UBE2D1: variants seen among roughly 807,000 people sequenced by gnomAD.
The protein encoded by UBE2D1 is ubiquitin-conjugating enzyme E2 D1.
Under a neutral mutation model 24.6 loss-of-function variants are expected in UBE2D1, and 9 were observed. That is an observed-to-expected ratio of 0.37 (90% CI 0.22 to 0.64). The LOEUF is 0.64. UBE2D1 is among the 30% of genes least tolerant of loss of function. UBE2D1 has a pLI of 0.64. For missense variants in UBE2D1, 87 were observed against 177.1 expected, an observed-to-expected ratio of 0.49 and a Z score of 2.89; for synonymous variants, 57 against 57.6, an observed-to-expected ratio of 0.99 and a Z score of 0.04.
rs571601398 is a variant in UBE2D1, at chr10:58,352,141, A to T, written c.25-9197A>T. ...TTTCTTTTTTTTCTTTCCATTTTCAACACATTGTCACAGTAGCTAAAGGTG... is the reference window on the plus strand; with the variant it reads ...TTTCTTTTTTTTCTTTCCATTTTCATCACATTGTCACAGTAGCTAAAGGTG... On this transcript the variant is annotated intron_variant, in intron 1 of 6. Transcript: ENST00000373910. 4.6e-5 allele frequency among the ~76,000 whole-genome samples: 7 copies of T among 152,078 alleles called. No individual in the cohort carries two copies. The South Asian group carries it at 1.5e-3, about 32-fold the overall frequency.
At chr10:58,356,333 G>T (rs755776545) in intron 1 of UBE2D1, among the ~76,000 whole-genome samples, 4 of 151,860 alleles carry the variant, frequency 2.6e-5, no homozygotes, top group Non-Finnish European at 5.9e-5. Flanking sequence ...ATCATAATGG[G>T]CATACTGTCC....
chr10:58,335,090 C>G lies in UBE2D1; in HGVS notation c.-112C>G. ...AGCCAGGGAGCGGCTAACCGGGGAC[C>G]CACCGCGCGGAGCCAGCCTAGCTGC... is the stretch of plus-strand genomic sequence containing the variant. On this transcript the variant is annotated 5_prime_UTR_variant, in exon 1 of 7. Transcript: ENST00000373910. The G allele has an allele frequency of 1.7e-6, 2 of 1,195,376 alleles. No individual in the cohort carries two copies. Among genetic ancestry groups the G allele is most frequent in the Non-Finnish European group, 2.4e-6 (2 of 848,508 alleles). 74.0% of individuals were successfully genotyped at this position (1,195,376 alleles called of 1,614,324 possible).
intron 1 of UBE2D1, among the ~76,000 whole-genome samples, chr10:58,351,928 A>G (rs1220742852): frequency 6.6e-6 from 1 of 152,156 alleles, no homozygotes; most frequent in Non-Finnish European, 1.5e-5. Flanking sequence ...TGACCACTAT[A>G]TATGCAATCA....
chr10:58,347,540 C>A (rs1413375079), intron 1 of UBE2D1, among the ~76,000 whole-genome samples: 1 of 151,978 alleles, frequency 6.6e-6, no homozygotes, highest in African/African-American at 2.4e-5. Context: ...AATCATTATG[C>A]CTGGTGCAGA....
chr10:58,364,758 G>A lies in UBE2D1; in HGVS notation c.199-13G>A, dbSNP rs1192122466. The A allele has an allele frequency of 2.5e-6, 4 of 1,594,546 alleles. No individual in the cohort carries two copies. The African/African-American group carries it at 5.4e-5, about 21-fold the overall frequency. On this transcript the variant is annotated splice_polypyrimidine_tract_variant and intron_variant, in intron 4 of 6. Coordinates refer to ENST00000373910, the MANE Select transcript of UBE2D1 (RefSeq NM_003338.5). Reference sequence around the variant, plus strand: ...GGTGATTGTCATATTTTGTTGTTTTGTTTTATGTTTAGATTGCTTTCACAA... The same window carrying A: ...GGTGATTGTCATATTTTGTTGTTTTATTTTATGTTTAGATTGCTTTCACAA...
At chr10:58,360,127 C>T (rs866887542) in intron 1 of UBE2D1, among the ~76,000 whole-genome samples, 3 of 152,182 alleles carry the variant, frequency 2.0e-5, no homozygotes, top group South Asian at 4.1e-4. Flanking sequence ...TTGTCTGTTT[C>T]CTGCCTGGCT....
intron 1 of UBE2D1, among the ~76,000 whole-genome samples, chr10:58,356,882 A>G (rs1272012797): frequency 6.6e-6 from 1 of 152,224 alleles, no homozygotes; most frequent in Admixed American, 6.5e-5. Context: ...GAATGCTTTT[A>G]AATCCTTTGT....
intron 1 of UBE2D1, among the ~76,000 whole-genome samples, chr10:58,341,774 A>G (rs1839964372): frequency 6.6e-6 from 1 of 152,154 alleles, no homozygotes; most frequent in East Asian, 1.9e-4. Flanking sequence ...GATAAACCTA[A>G]TATTTAGCCA....
At chr10:58,349,532 A>G (rs557556547) in intron 1 of UBE2D1, among the ~76,000 whole-genome samples, 4 of 152,360 alleles carry the variant, frequency 2.6e-5, no homozygotes, top group African/African-American at 9.6e-5. Context: ...AATTCTTTTC[A>G]TATACAGATT....
At chr10:58,339,458 G>A (rs141350374) in intron 1 of UBE2D1, among the ~76,000 whole-genome samples, 41 of 152,234 alleles carry the variant, frequency 2.7e-4, no homozygotes, top group African/African-American at 9.4e-4. Flanking sequence ...CGTACAATGA[G>A]GCTAGTACAT....
chr10:58,337,448 T>C (rs1331058534), intron 1 of UBE2D1, among the ~76,000 whole-genome samples: 1 of 152,212 alleles, frequency 6.6e-6, no homozygotes, highest in Non-Finnish European at 1.5e-5. Context: ...TTACACCATC[T>C]TCTTTGATGT....
At chr10:58,344,601 A>C (rs1309302196) in intron 1 of UBE2D1, among the ~76,000 whole-genome samples, 1 of 152,100 alleles carries the variant, frequency 6.6e-6, no homozygotes, top group Admixed American at 6.5e-5. Flanking sequence ...TTAAAATTCC[A>C]TTTACTTTGA....
intron 1 of UBE2D1, among the ~76,000 whole-genome samples, chr10:58,357,394 A>G (rs911334131): frequency 6.6e-6 from 1 of 152,170 alleles, no homozygotes; most frequent in Non-Finnish European, 1.5e-5. Context: ...ATCTAAATCA[A>G]AAGAAAGAAT....
chr10:58,357,489 TTTTG>T (rs1402089061), intron 1 of UBE2D1, among the ~76,000 whole-genome samples: 1 of 152,098 alleles, frequency 6.6e-6, no homozygotes, highest in Non-Finnish European at 1.5e-5. Flanking sequence ...AAAGTGGGGT[TTTTG>T]TTTGTCTAGT....
At chr10:58,339,495 A>G (rs554441514) in intron 1 of UBE2D1, among the ~76,000 whole-genome samples, 2 of 152,180 alleles carry the variant, frequency 1.3e-5, no homozygotes, top group African/African-American at 4.8e-5. Flanking sequence ...CATACAATGG[A>G]TATGTATGGA....
intron 1 of UBE2D1, among the ~76,000 whole-genome samples, chr10:58,355,549 A>G (rs2132325537): frequency 6.6e-6 from 1 of 152,348 alleles, no homozygotes; most frequent in Non-Finnish European, 1.5e-5. Context: ...AAGTCAAAAC[A>G]GTGCTAAGAT....
intron 1 of UBE2D1, among the ~76,000 whole-genome samples, chr10:58,356,767 T>C (rs898613700): frequency 6.6e-6 from 1 of 152,188 alleles, no homozygotes; most frequent in African/African-American, 2.4e-5. Flanking sequence ...CCAGGTATGG[T>C]CTTGTGGGTG....
Position 58,345,815 on chromosome 10 carries a change from C to T in UBE2D1, c.24+10590C>T, listed in dbSNP as rs569434449. 4.6e-5 allele frequency among the ~76,000 whole-genome samples: 7 copies of T among 152,086 alleles called. No individual in the cohort carries two copies. The East Asian group carries it at 7.7e-4, about 17-fold the overall frequency. ...GGAGCCAGGCTTGTAGAGGAAGCTA[C>T]GGAAATGAAGACACTAGAATATGCT... is the stretch of plus-strand genomic sequence containing the variant. On this transcript the variant is annotated intron_variant, in intron 1 of 6. Coordinates refer to ENST00000373910, the MANE Select transcript of UBE2D1 (RefSeq NM_003338.5).
chr10:58,352,232 G>T (rs1446696768), intron 1 of UBE2D1, among the ~76,000 whole-genome samples: 1 of 152,002 alleles, frequency 6.6e-6, no homozygotes, highest in Non-Finnish European at 1.5e-5. Context: ...ATCAAAAGTG[G>T]AAGCACTTTT....
Sources: gnomAD v4.1 joint callset for allele counts (sites outside exome capture counted in the v4.1 genomes callset) on GRCh38, gnomAD v4.1.1 for gene constraint, MANE v1.5 for transcripts, NCBI Gene and HGNC (gene_info 2026-07-23, HGNC 2026-07-21) for gene names.